The following WDR7 variants were observed in gnomAD, a reference collection of about 807,000 sequenced individuals.
The protein encoded by WDR7 is WD repeat domain 7.
In WDR7, 46 loss-of-function variants were observed where a neutral mutation model predicts 169.4. The observed-to-expected ratio is 0.27, with a 90% CI of 0.21 to 0.35. WDR7 has a LOEUF of 0.35. WDR7 is among the 10% of genes least tolerant of loss of function. The pLI is 1.00. For missense variants in WDR7, 1,534 were observed against 1,859.3 expected, an observed-to-expected ratio of 0.83 and a Z score of 3.22; for synonymous variants, 612 against 666.8, an observed-to-expected ratio of 0.92 and a Z score of 1.27.
rs775081880 is a variant in WDR7 at position 56,974,321 on chromosome 18, C to CTTTCCT, written c.4164+11813_4164+11818dup. Among the ~76,000 whole-genome samples, 5 of 150,310 alleles carry CTTTCCT rather than the reference C, an allele frequency of 3.3e-5. No individual in the cohort carries two copies. The East Asian group carries it at 5.8e-4, about 18-fold the overall frequency. ...GCCTTGTCTTGTCCTTTCCCTTTTC[C>CTTTCCT]TTTCCTTTTCCTTTTCCTTTTCCTT... On this transcript the variant is annotated intron_variant, in intron 26 of 27. Coordinates refer to ENST00000254442, the MANE Select transcript of WDR7 (RefSeq NM_015285.3).
intron 19 of WDR7, among the ~76,000 whole-genome samples, chr18:56,794,302 C>CTCTTTTTTTT (rs1217568621): frequency 3.4e-5 from 1 of 29,466 alleles, no homozygotes; most frequent in Non-Finnish European, 9.1e-5. Context: ...AAGGTAAAGT[C>CTCTTTTTTTT]TATTTTTTTT....
At chr18:56,952,494 T>A (rs2047196648) in intron 25 of WDR7, among the ~76,000 whole-genome samples, 1 of 152,252 alleles carries the variant, frequency 6.6e-6, no homozygotes, top group Non-Finnish European at 1.5e-5. Context: ...GCAGCTTCTT[T>A]GATGCCTTCC....
At chr18:56,789,568 G>A (rs1298055915) in intron 19 of WDR7, among the ~76,000 whole-genome samples, 1 of 152,216 alleles carries the variant, frequency 6.6e-6, no homozygotes, top group Non-Finnish European at 1.5e-5. Context: ...CCCTTGTATA[G>A]CAGTGAGGAG....
At chr18:56,957,763 C>T (rs903733757) in intron 25 of WDR7, among the ~76,000 whole-genome samples, 5 of 152,042 alleles carry the variant, frequency 3.3e-5, no homozygotes, top group East Asian at 1.9e-4. Flanking sequence ...CTTTTGTGTA[C>T]GCTTAGATTT....
intron 19 of WDR7, among the ~76,000 whole-genome samples, chr18:56,812,302 G>A (rs952799550): frequency 6.6e-6 from 1 of 152,156 alleles, no homozygotes; most frequent in African/African-American, 2.4e-5. Flanking sequence ...TAGAATCGAT[G>A]TTTTCCATGT....
chr18:56,864,247 T>C (rs1455190454), intron 20 of WDR7, among the ~76,000 whole-genome samples: 1 of 151,640 alleles, frequency 6.6e-6, no homozygotes, highest in Non-Finnish European at 1.5e-5. Context: ...AAATATACTT[T>C]TATTTGTTTT....
At chr18:56,999,945 T>C (rs1254635934) in intron 26 of WDR7, among the ~76,000 whole-genome samples, 1 of 152,098 alleles carries the variant, frequency 6.6e-6, no homozygotes, top group Non-Finnish European at 1.5e-5. Context: ...CAAAATTCCC[T>C]CCACTTCAGT....
chr18:56,971,313 A>G (rs909163007), intron 26 of WDR7, among the ~76,000 whole-genome samples: 3 of 150,014 alleles, frequency 2.0e-5, no homozygotes, highest in Non-Finnish European at 4.4e-5. Context: ...CACCCCCACT[A>G]TTGGCCTGTT....
chr18:56,791,779 T>C (rs1230970124), intron 19 of WDR7, among the ~76,000 whole-genome samples: 3 of 152,158 alleles, frequency 2.0e-5, no homozygotes, highest in Non-Finnish European at 4.4e-5. Flanking sequence ...GGATGCATAC[T>C]TGGGGCCAGA....
chr18:56,665,776 G>C (rs1168015825), intron 1 of WDR7, among the ~76,000 whole-genome samples: 2 of 152,230 alleles, frequency 1.3e-5, no homozygotes, highest in East Asian at 3.9e-4. Flanking sequence ...GAGTTCCCTG[G>C]TGAGCGGACT....
intron 22 of WDR7, among the ~76,000 whole-genome samples, chr18:56,931,551 C>G (rs2046884598): frequency 1.3e-5 from 2 of 152,070 alleles, no homozygotes; most frequent in Admixed American, 6.6e-5. Context: ...GGGGCTGTAC[C>G]GGGCACTTTG....
chr18:56,944,279 A>T (rs1043568824), intron 25 of WDR7, among the ~76,000 whole-genome samples: 9 of 152,160 alleles, frequency 5.9e-5, no homozygotes, highest in Middle Eastern at 3.2e-3. Flanking sequence ...GGCGTGAGCC[A>T]CTGCGCCCAG....
At chr18:57,011,593 G>A (rs1197303992) in intron 26 of WDR7, among the ~76,000 whole-genome samples, 1 of 152,140 alleles carries the variant, frequency 6.6e-6, no homozygotes, top group Non-Finnish European at 1.5e-5. Context: ...GCCAAAACAG[G>A]TTGACTTTAT....
At chr18:56,952,663 A>G (rs899712515) in intron 25 of WDR7, among the ~76,000 whole-genome samples, 1 of 152,204 alleles carries the variant, frequency 6.6e-6, no homozygotes, top group Non-Finnish European at 1.5e-5. Flanking sequence ...ATGAAGTTTT[A>G]TGGAGAAAAA....
chr18:56,864,548 T>G (rs2045854589), intron 20 of WDR7, among the ~76,000 whole-genome samples: 1 of 151,778 alleles, frequency 6.6e-6, no homozygotes, highest in African/African-American at 2.4e-5. Context: ...CAGAAAAAAT[T>G]ACCGTGACCA....
chr18:56,865,028 T>C (rs1191286598), intron 20 of WDR7, among the ~76,000 whole-genome samples: 1 of 152,030 alleles, frequency 6.6e-6, no homozygotes, highest in Non-Finnish European at 1.5e-5. Context: ...TTGTATCCAA[T>C]GCACTCTAAT....
At chr18:56,948,205 C>T (rs184274684) in intron 25 of WDR7, among the ~76,000 whole-genome samples, 18 of 152,156 alleles carry the variant, frequency 1.2e-4, no homozygotes, top group African/African-American at 4.3e-4. Context: ...TTATAAGTAG[C>T]TTGAGGAAAG....
chr18:56,846,728 C>T (rs1250922314), intron 20 of WDR7, among the ~76,000 whole-genome samples: 3 of 152,108 alleles, frequency 2.0e-5, no homozygotes, highest in African/African-American at 7.2e-5. Flanking sequence ...CTCTCTTGCT[C>T]CCTCTGTTGC....
intron 20 of WDR7, among the ~76,000 whole-genome samples, chr18:56,864,881 G>A (rs2145421165): frequency 6.6e-6 from 1 of 151,552 alleles, no homozygotes; most frequent in Non-Finnish European, 1.5e-5. Flanking sequence ...AATAATATAT[G>A]ATACTCAATG....
Sources: allele counts gnomAD v4.1 joint callset (sites outside exome capture counted in the v4.1 genomes callset), GRCh38; gene constraint gnomAD v4.1.1; transcripts MANE v1.5; gene names NCBI Gene and HGNC (gene_info 2026-07-23, HGNC 2026-07-21).